Variants in GINS2 observed in about 807,000 individuals in gnomAD.
The protein encoded by GINS2 is GINS complex subunit 2.
GINS2 carries 23 observed loss-of-function variants against 21.2 expected under a neutral mutation model. That is an observed-to-expected ratio of 1.08 (90% confidence interval 0.78 to 1.53). The LOEUF is 1.53. GINS2 is among the 40% of genes most tolerant of loss of function. GINS2 has a pLI of 0.00. For synonymous variants in GINS2, 118 were observed against 85.6 expected (o/e 1.38, Z -2.09); for missense variants, 323 against 233.9 (o/e 1.38, Z -2.49).
At chr16:85,680,486 A>G (rs1448663107) in intron 3 of GINS2, among the ~76,000 whole-genome samples, 4 of 152,158 alleles carry the variant, frequency 2.6e-5, no homozygotes, top group African/African-American at 9.7e-5. Flanking sequence ...AAGCAAAATT[A>G]TCCACCCTTG....
rs1158030857 is a variant in GINS2 at position 85,681,687 on chromosome 16, A to G, written c.206-6T>C. 2 of 1,553,538 alleles carry G rather than the reference A, an allele frequency of 1.3e-6. No homozygotes were observed. The highest frequency in any genetic ancestry group is 2.7e-5 in the African/African-American group (2 of 73,620). On this transcript the variant is annotated splice_region_variant and splice_polypyrimidine_tract_variant and intron_variant, in intron 2 of 4. Coordinates refer to ENST00000253462, the MANE Select transcript of GINS2 (RefSeq NM_016095.3). ...CCTCATCTTCTCCAACTTTTCTGAA[A>G]TTTAGAAGTTAATACATTTTACCAT...
At position 85,687,455 on chromosome 16, in the gene GINS2, C is replaced by T; in HGVS notation, c.205+5G>A. 6.6e-7 allele frequency: 1 copy of T among 1,511,838 alleles called. No homozygotes were observed. The highest frequency in any genetic ancestry group is 8.9e-7 in the Non-Finnish European group (1 of 1,125,610). 93.7% of individuals were successfully genotyped at this position (1,511,838 alleles called of 1,614,324 possible). On this transcript the variant is annotated splice_donor_5th_base_variant and intron_variant, in intron 2 of 4. Transcript: ENST00000253462. Reference sequence around the variant, plus strand: ...CGCATCAACCAGTCTCCACCACATCCTTACCTACATCCATCCACTCTGGAG... The same window carrying T: ...CGCATCAACCAGTCTCCACCACATCTTTACCTACATCCATCCACTCTGGAG...
chr16:85,685,670 C>CAAAAAAAAAAAAAAAAAAAAACAAAA (rs2053768792), intron 2 of GINS2, among the ~76,000 whole-genome samples: 1 of 55,278 alleles, frequency 1.8e-5, no homozygotes, highest in Non-Finnish European at 3.7e-5. Flanking sequence ...GACCCTTTCT[C>CAAAAAAAAAAAAAAAAAAAAACAAAA]AAAAAAAAAA....
chr16:85,682,554 G>A (rs1254310669), intron 2 of GINS2, among the ~76,000 whole-genome samples: 1 of 150,448 alleles, frequency 6.6e-6, no homozygotes, highest in African/African-American at 2.5e-5. Flanking sequence ...ACCCTGGCCT[G>A]GGCGCGATAC....
rs768216881 is a variant in GINS2, at chr16:85,681,214, C to T, written c.305+368G>A. Among the ~76,000 whole-genome samples the T allele has an allele frequency of 9.8e-5, 15 of 152,342 alleles. 1 individual carries two copies. In the South Asian group the frequency reaches 3.1e-3, roughly 32 times the overall value. On this transcript the variant is annotated intron_variant, in intron 3 of 4. Coordinates refer to ENST00000253462, the MANE Select transcript of GINS2 (RefSeq NM_016095.3). ...GAGTAAAGCTGTGCTAAATAAAACA[C>T]ATACATGGCAAAGAATGGCTACTGC...
intron 2 of GINS2, among the ~76,000 whole-genome samples, chr16:85,687,099 TG>T (rs2152053074): frequency 6.6e-6 from 1 of 152,342 alleles, no homozygotes; most frequent in South Asian, 2.1e-4. Flanking sequence ...CGCACGCCAG[TG>T]GTCCCAGCTA....
chr16:85,685,685 A>AAAAAAAAC (rs56405044), intron 2 of GINS2, among the ~76,000 whole-genome samples: 20 of 121,006 alleles, frequency 1.7e-4, no homozygotes, highest in Non-Finnish European at 3.1e-4. Context: ...AAAAAAAAAA[A>AAAAAAAAC]AAAAAACCGT....
At position 85,677,187 on chromosome 16, in the gene GINS2, T is replaced by A. The variant is rs1304718249; in HGVS notation, c.*1025A>T. 6.6e-6 allele frequency: 1 copy of A among 152,118 alleles called. No individual in the cohort carries two copies. Among genetic ancestry groups the A allele is most frequent in the African/African-American group, 2.4e-5 (1 of 41,424 alleles). The allele number at this position is 152,118 out of a possible 1,614,324, so 9.4% of individuals were successfully genotyped here. On this transcript the variant is annotated 3_prime_UTR_variant, in exon 5 of 5. Transcript: ENST00000253462. ...CAATGTGCCCGGCCAAAAATTAAAG[T>A]TTTTTTTAAAGCTGATTACAGAACC...
rs1434353629 is a variant in GINS2, at chr16:85,681,594, A to C, written c.293T>G (p.Leu98Arg). 6.2e-7 allele frequency: 1 copy of C among 1,601,628 alleles called. No individual in the cohort carries two copies. Among genetic ancestry groups the C allele is most frequent in the Non-Finnish European group, 8.6e-7 (1 of 1,168,844 alleles). ...GAGATCTACTTACTGATTTAACAGGAGCTTCGTAAGTTCCATGTAGTAAGG... is the reference window on the plus strand; with the variant it reads ...GAGATCTACTTACTGATTTAACAGGCGCTTCGTAAGTTCCATGTAGTAAGG... ...PSPYYMELTK[L>R]LLNHASDNIP... The change falls in exon 3 of 5, where the codon CTC becomes CGC. Residue 98 changes from leucine to arginine, a missense_variant. Coordinates refer to ENST00000253462, the MANE Select transcript of GINS2 (RefSeq NM_016095.3).
intron 3 of GINS2, among the ~76,000 whole-genome samples, chr16:85,679,201 C>G (rs1178888386): frequency 6.6e-6 from 1 of 152,170 alleles, no homozygotes; most frequent in African/African-American, 2.4e-5. Flanking sequence ...AGGGAAGGGA[C>G]TCTCCTGCTC....
In GINS2 at chr16:85,676,614, T is replaced by C. The variant is rs1003154550; in HGVS notation, c.*1598A>G. On this transcript the variant is annotated 3_prime_UTR_variant, in exon 5 of 5. Transcript: ENST00000253462. ...GAGGGCAGATGCTGGGTGATAAGTC[T>C]TTAGGCTCAGCCTGTCACACATGCG... 1 of 152,252 alleles carries C rather than the reference T, an allele frequency of 6.6e-6. No homozygotes were observed. The highest frequency in any genetic ancestry group is 6.6e-5 in the Admixed American group (1 of 15,266). The allele number at this position is 152,252 out of a possible 1,614,324, so 9.4% of individuals were successfully genotyped here.
chr16:85,684,566 A>C (rs1049004884), intron 2 of GINS2, among the ~76,000 whole-genome samples: 2 of 152,020 alleles, frequency 1.3e-5, no homozygotes, highest in African/African-American at 4.8e-5. Flanking sequence ...AGAATCGGTG[A>C]ACAAATATGT....
chr16:85,686,671 T>G (rs140024671), intron 2 of GINS2, among the ~76,000 whole-genome samples: 2 of 152,234 alleles, frequency 1.3e-5, no homozygotes, highest in Non-Finnish European at 2.9e-5. Context: ...AATGGAATGA[T>G]ACAGTGTGCG....
chr16:85,686,215 C>T (rs1208419946), intron 2 of GINS2, among the ~76,000 whole-genome samples: 1 of 152,084 alleles, frequency 6.6e-6, no homozygotes, highest in African/African-American at 2.4e-5. Context: ...GAGATTGAGA[C>T]CAACCTGGCT....
At position 85,678,179 on chromosome 16, in the gene GINS2, T is replaced by A; in HGVS notation, c.*33A>T. On this transcript the variant is annotated 3_prime_UTR_variant, in exon 5 of 5. Coordinates refer to ENST00000253462, the MANE Select transcript of GINS2 (RefSeq NM_016095.3). ...CCTCATCACGTCCTGAGCGCTCACA[T>A]CCCCCAGCAAGCCGCCTGCACCAGG... 1.9e-6 allele frequency: 3 copies of A among 1,606,478 alleles called. No individual in the cohort carries two copies. The highest frequency in any genetic ancestry group is 2.6e-6 in the Non-Finnish European group (3 of 1,175,756).
At position 85,677,458 on chromosome 16, in the gene GINS2, A is replaced by G. The variant is rs1320735587; in HGVS notation, c.*754T>C. On this transcript the variant is annotated 3_prime_UTR_variant, in exon 5 of 5. Coordinates refer to ENST00000253462, the MANE Select transcript of GINS2 (RefSeq NM_016095.3). ...CTCAATACATTGTCACTCATGCTCAATACATTGGATTCGTTTTTTTCCTGA... is the reference window on the plus strand; with the variant it reads ...CTCAATACATTGTCACTCATGCTCAGTACATTGGATTCGTTTTTTTCCTGA... The G allele has an allele frequency of 1.3e-5, 2 of 151,380 alleles. No homozygotes were observed. Among genetic ancestry groups the G allele is most frequent in the Non-Finnish European group, 2.9e-5 (2 of 68,036 alleles). The allele number at this position is 151,380 out of a possible 1,614,324, so 9.4% of individuals were successfully genotyped here. A position where few individuals can be genotyped will look rare whatever the true frequency, so the allele number is the denominator to read the frequency against.
chr16:85,686,053 G>A (rs901097592), intron 2 of GINS2, among the ~76,000 whole-genome samples: 1 of 151,972 alleles, frequency 6.6e-6, no homozygotes, highest in South Asian at 2.1e-4. Context: ...TCCAAGAGAA[G>A]AAAAAGATTT....
At chr16:85,687,109 T>G (rs936795491) in intron 2 of GINS2, among the ~76,000 whole-genome samples, 1 of 152,220 alleles carries the variant, frequency 6.6e-6, no homozygotes, top group Non-Finnish European at 1.5e-5. Flanking sequence ...TGGTCCCAGC[T>G]ACTTGGGAGG....
Sources: allele counts gnomAD v4.1 joint callset (sites outside exome capture counted in the v4.1 genomes callset), GRCh38; gene constraint gnomAD v4.1.1; transcripts MANE v1.5; gene names NCBI Gene and HGNC (gene_info 2026-07-23, HGNC 2026-07-21).